Variants in PPP1R12B observed in about 807,000 individuals in gnomAD.
The protein encoded by PPP1R12B is myosin phosphatase target subunit 2.
Under a neutral mutation model 126.1 loss-of-function variants are expected in PPP1R12B, and 76 were observed. The observed-to-expected ratio is 0.60, with a 90% CI of 0.50 to 0.73. PPP1R12B has a LOEUF of 0.73. PPP1R12B is among the 30% of genes least tolerant of loss of function. The pLI is 0.00. For missense variants in PPP1R12B, 1,052 were observed against 1,205.1 expected (o/e 0.87, Z 1.88); for synonymous variants, 356 against 434.7 (o/e 0.82, Z 2.25).
At chr1:202,454,139 C>CT (rs1673333918) in intron 13 of PPP1R12B, among the ~76,000 whole-genome samples, 1 of 152,148 alleles carries the variant, frequency 6.6e-6, no homozygotes, top group African/African-American at 2.4e-5. Context: ...TATAAAACTG[C>CT]ATTATTAAAT....
At chr1:202,402,809 T>C (rs777842743) in intron 1 of PPP1R12B, among the ~76,000 whole-genome samples, 4 of 152,236 alleles carry the variant, frequency 2.6e-5, no homozygotes, top group Non-Finnish European at 4.4e-5. Flanking sequence ...ACTTAGTGAA[T>C]GTATACCTAA....
chr1:202,517,034 T>A (rs2148906661), intron 18 of PPP1R12B, among the ~76,000 whole-genome samples: 1 of 152,358 alleles, frequency 6.6e-6, no homozygotes, highest in Middle Eastern at 3.4e-3. Flanking sequence ...GTTTACAAAA[T>A]GTTTTCAGAG....
intron 12 of PPP1R12B, among the ~76,000 whole-genome samples, chr1:202,444,218 A>G (rs1671967863): frequency 6.6e-6 from 1 of 152,218 alleles, no homozygotes; most frequent in Non-Finnish European, 1.5e-5. Flanking sequence ...GTGTATAGGC[A>G]GAAATTCCTT....
At position 202,495,694 on chromosome 1, in the gene PPP1R12B, G is replaced by C; in HGVS notation, c.2448+12G>C. 3 of 1,608,884 alleles carry C rather than the reference G, an allele frequency of 1.9e-6. No homozygotes were observed. The highest frequency in any genetic ancestry group is 2.6e-6 in the Non-Finnish European group (3 of 1,175,338). On this transcript the variant is annotated intron_variant, in intron 17 of 23. Coordinates refer to ENST00000608999, the MANE Select transcript of PPP1R12B (RefSeq NM_002481.4). ...TCTGGACAAAGGATGTAAGTGGATT[G>C]GTCTGTGCTGAGGCATATCATATTA...
intron 2 of PPP1R12B, among the ~76,000 whole-genome samples, chr1:202,422,254 C>G (rs1436108970): frequency 6.6e-6 from 1 of 152,192 alleles, no homozygotes. Context: ...CTTTATTCTT[C>G]TATTTTCACA....
chr1:202,493,387 C>T, intron 15 of PPP1R12B, 70 bp downstream of exon 15: 8 of 1,460,312 alleles, frequency 5.5e-6, no homozygotes, highest in Non-Finnish European at 7.4e-6. Flanking sequence ...ATCTTCTTCA[C>T]TGGTAGTTCA....
intron 18 of PPP1R12B, among the ~76,000 whole-genome samples, chr1:202,507,868 A>G (rs1187811991): frequency 6.6e-6 from 1 of 152,240 alleles, no homozygotes; most frequent in Non-Finnish European, 1.5e-5. Flanking sequence ...AGCCTTAACC[A>G]TGGCTTAGGC....
intron 13 of PPP1R12B, among the ~76,000 whole-genome samples, chr1:202,457,436 C>G (rs1558253109): frequency 6.6e-6 from 1 of 151,810 alleles, no homozygotes; most frequent in African/African-American, 2.4e-5. Flanking sequence ...GCCTGTAATC[C>G]CAGCTACTAA....
At chr1:202,488,741 A>G in intron 14 of PPP1R12B, 118 bp downstream of exon 14, 12 of 917,562 alleles carry the variant, frequency 1.3e-5, no homozygotes, top group South Asian at 3.3e-5. Flanking sequence ...ACACACACAC[A>G]CGCTCACGGC....
At chr1:202,521,028 C>A (rs1429777016) in intron 18 of PPP1R12B, among the ~76,000 whole-genome samples, 1 of 152,076 alleles carries the variant, frequency 6.6e-6, no homozygotes, top group Non-Finnish European at 1.5e-5. Context: ...TCTAACTTAT[C>A]CCAGCAGTGT....
intron 1 of PPP1R12B, among the ~76,000 whole-genome samples, chr1:202,390,533 C>G (rs1663976129): frequency 6.6e-6 from 1 of 152,196 alleles, no homozygotes; most frequent in Non-Finnish European, 1.5e-5. Flanking sequence ...GGGTCTCACT[C>G]TGTTGCCCAG....
Position 202,589,126 on chromosome 1 carries a change from G to A in PPP1R12B, c.*8566G>A, listed in dbSNP as rs1300414958. 5 of 152,190 alleles carry A rather than the reference G, an allele frequency of 3.3e-5. No individual in the cohort carries two copies. Among genetic ancestry groups the A allele is most frequent in the Non-Finnish European group, 7.3e-5 (5 of 68,054 alleles). The allele number at this position is 152,190 out of a possible 1,614,324, so 9.4% of individuals were successfully genotyped here. ...AATTCAGGAGATCCAAAACTATCCT[G>A]TAGTTCCAAACTACAAATGTAGTTA... On this transcript the variant is annotated 3_prime_UTR_variant, in exon 24 of 24. Coordinates refer to ENST00000608999, the MANE Select transcript of PPP1R12B (RefSeq NM_002481.4).
chr1:202,444,051 T>C (rs112405895), intron 12 of PPP1R12B, among the ~76,000 whole-genome samples: 90 of 152,328 alleles, frequency 5.9e-4, no homozygotes, highest in African/African-American at 2.0e-3. Flanking sequence ...TTTGATTTTA[T>C]AAAAACCTCT....
At chr1:202,503,475 C>G (rs1249009696) in intron 18 of PPP1R12B, among the ~76,000 whole-genome samples, 4 of 152,192 alleles carry the variant, frequency 2.6e-5, no homozygotes, top group Non-Finnish European at 5.9e-5. Context: ...ATGTAGGAAT[C>G]TGCAATTCAG....
chr1:202,517,391 G>A (rs892648181), intron 18 of PPP1R12B, among the ~76,000 whole-genome samples: 2 of 152,186 alleles, frequency 1.3e-5, no homozygotes, highest in African/African-American at 4.8e-5. Context: ...CTTGCTCTGT[G>A]AATAAGCTGT....
chr1:202,467,386 C>G (rs569628372), intron 13 of PPP1R12B, among the ~76,000 whole-genome samples: 5 of 152,118 alleles, frequency 3.3e-5, no homozygotes, highest in African/African-American at 1.2e-4. Context: ...CCCCCCACCC[C>G]ACAACAGGCC....
rs1447879111 is a variant in PPP1R12B, at chr1:202,348,943, C to T, written c.92C>T (p.Thr31Ile). ...CTTCGGCGCTGGCGGGGCTCGCTGA[C>T]AGAGCAGGAGCCTGCGGAGCGACGA... ...EQLRRWRGSL[T>I]EQEPAERRGA... is the part of the protein sequence containing the mutation. Residue 31 changes from threonine (T) to isoleucine (I), a missense_variant, in exon 1 of 24, where the codon ACA (threonine) becomes ATA (isoleucine). Transcript: ENST00000608999. 6.2e-7 allele frequency: 1 copy of T among 1,603,514 alleles called. No homozygotes were observed. The highest frequency in any genetic ancestry group is 8.5e-7 in the Non-Finnish European group (1 of 1,176,464).
At chr1:202,439,089 C>T in intron 10 of PPP1R12B, 1 of 1,478,354 alleles carries the variant, frequency 6.8e-7, no homozygotes, top group Non-Finnish European at 9.5e-7. Flanking sequence ...ACCATCACCT[C>T]CAGCGCCAAA....
At chr1:202,540,856 G>A (rs1685051093) in intron 18 of PPP1R12B, among the ~76,000 whole-genome samples, 1 of 152,204 alleles carries the variant, frequency 6.6e-6, no homozygotes, top group Non-Finnish European at 1.5e-5. Context: ...TTGCTTAAAA[G>A]CCAAAGAACT....
Sources: gnomAD v4.1 joint callset for allele counts (sites outside exome capture counted in the v4.1 genomes callset) on GRCh38, gnomAD v4.1.1 for gene constraint, MANE v1.5 for transcripts, NCBI Gene and HGNC (gene_info 2026-07-23, HGNC 2026-07-21) for gene names.